KDM4B: variants seen among roughly 807,000 people sequenced by gnomAD.
KDM4B encodes lysine demethylase 4B.
A neutral mutation model predicts 125.2 loss-of-function variants in KDM4B; 32 were observed. The observed-to-expected ratio is 0.26, with a 90% CI of 0.19 to 0.34. KDM4B has a LOEUF of 0.34. Among genes scored for constraint, KDM4B ranks in the 10% least tolerant of loss-of-function variants. The pLI is 1.00. For missense variants in KDM4B, 1,190 were observed against 1,577.7 expected, an observed-to-expected ratio of 0.75 and a Z score of 4.16; for synonymous variants, 721 against 677.9, an observed-to-expected ratio of 1.06 and a Z score of -0.99.
At chr19:4,986,240 G>A (rs977748623) in intron 1 of KDM4B, among the ~76,000 whole-genome samples, 4 of 152,192 alleles carry the variant, frequency 2.6e-5, no homozygotes, top group East Asian at 3.9e-4. Context: ...AGCCACATTC[G>A]GGGCAGCGCT....
Position 5,144,054 on chromosome 19 carries a change from G to A in KDM4B, c.2638G>A (p.Val880Met), listed in dbSNP as rs1268282336. 1 of 1,606,662 alleles carries A rather than the reference G, an allele frequency of 6.2e-7. No individual in the cohort carries two copies. The highest frequency in any genetic ancestry group is 8.5e-7 in the Non-Finnish European group (1 of 1,174,638). Residue 880 changes from valine (V) to methionine (M), a missense_variant, in exon 19 of 23, where the codon GTG (valine) becomes ATG (methionine). By Grantham distance (21) the Val-to-Met change is conservative. This residue lies in a region of KDM4B where 298 missense variants were observed against 439.7 expected (regional missense o/e 0.68). Coordinates refer to ENST00000159111, the MANE Select transcript of KDM4B (RefSeq NM_015015.3). ...CGAGCACTGCTCCACGTCCTTCCACGTGACCTGCGCCCACGCCGCAGGCGT... is the reference window on the plus strand; with the variant it reads ...CGAGCACTGCTCCACGTCCTTCCACATGACCTGCGCCCACGCCGCAGGCGT... ...SYEHCSTSFH[V>M]TCAHAAGVLM...
intron 6 of KDM4B, among the ~76,000 whole-genome samples, chr19:5,066,851 G>A (rs1370838768): frequency 6.6e-6 from 1 of 152,138 alleles, no homozygotes; most frequent in Non-Finnish European, 1.5e-5. Flanking sequence ...GAGTGGGTAC[G>A]GGGGGCAGAC....
At chr19:5,034,168 C>G (rs62114357) in intron 3 of KDM4B, among the ~76,000 whole-genome samples, 6 of 151,974 alleles carry the variant, frequency 3.9e-5, no homozygotes, top group African/African-American at 1.2e-4. Flanking sequence ...TGGTGCTGCA[C>G]GTTTCACGGC....
intron 2 of KDM4B, among the ~76,000 whole-genome samples, chr19:5,032,010 C>T (rs1266009097): frequency 6.6e-6 from 1 of 152,196 alleles, no homozygotes; most frequent in Non-Finnish European, 1.5e-5. Context: ...ATTCTGTCGT[C>T]TTTCTGCCTT....
At chr19:5,106,534 A>G (rs1364874764) in intron 9 of KDM4B, among the ~76,000 whole-genome samples, 1 of 151,966 alleles carries the variant, frequency 6.6e-6, no homozygotes, top group Non-Finnish European at 1.5e-5. Context: ...CCTCTGGGGG[A>G]TTCCGCAGGA....
intron 21 of KDM4B, among the ~76,000 whole-genome samples, chr19:5,145,331 A>G (rs996539886): frequency 1.3e-5 from 2 of 152,056 alleles, no homozygotes; most frequent in African/African-American, 4.8e-5. Flanking sequence ...CTGTAATCCC[A>G]ACATTTTGGG....
intron 2 of KDM4B, among the ~76,000 whole-genome samples, chr19:5,023,451 T>A (rs1452255784): frequency 6.6e-6 from 1 of 152,186 alleles, no homozygotes; most frequent in Non-Finnish European, 1.5e-5. Flanking sequence ...CAGGTTTCAC[T>A]TGGGAACCTG....
chr19:5,011,474 G>A (rs73540684), intron 1 of KDM4B, among the ~76,000 whole-genome samples: 4 of 152,204 alleles, frequency 2.6e-5, no homozygotes, highest in Non-Finnish European at 5.9e-5. Flanking sequence ...CCTGTAAGGG[G>A]TACGCAGAGC....
In KDM4B at chr19:5,133,942, C is replaced by G; in HGVS notation, c.1966C>G (p.Leu656Val). ...TGACCCGGACGCCTTGAGGCCGCTG[C>G]TGTCTCTGCAGTGGAAGAACAGGGC... ...VSDPDALRPL[L>V]SLQWKNRAAS... Residue 656 changes from leucine (L) to valine (V), a missense_variant, in exon 14 of 23, where the codon CTG (leucine) becomes GTG (valine). By Grantham distance (32) the Leu-to-Val change is conservative (BLOSUM62 1). Transcript: ENST00000159111. 2.5e-6 allele frequency: 4 copies of G among 1,613,084 alleles called. No individual in the cohort carries two copies. Among genetic ancestry groups the G allele is most frequent in the South Asian group, 2.2e-5 (2 of 91,082 alleles).
intron 3 of KDM4B, among the ~76,000 whole-genome samples, chr19:5,037,516 C>A (rs577959679): frequency 6.6e-6 from 1 of 152,322 alleles, no homozygotes; most frequent in Non-Finnish European, 1.5e-5. Context: ...GTGCCCCAGG[C>A]GCCTTTTGCA....
At chr19:5,027,804 G>A (rs571051221) in intron 2 of KDM4B, among the ~76,000 whole-genome samples, 1 of 152,226 alleles carries the variant, frequency 6.6e-6, no homozygotes, top group Admixed American at 6.5e-5. Context: ...GCCTCACAAA[G>A]TGCTGGGATT....
chr19:5,104,243 C>G (rs1229305802), intron 9 of KDM4B, among the ~76,000 whole-genome samples: 2 of 152,202 alleles, frequency 1.3e-5, no homozygotes, highest in Non-Finnish European at 2.9e-5. Context: ...CTGCCCCTTT[C>G]TGCTCCCGGG....
intron 21 of KDM4B, among the ~76,000 whole-genome samples, chr19:5,148,373 G>A (rs2039887690): frequency 6.6e-6 from 1 of 152,208 alleles, no homozygotes; most frequent in Non-Finnish European, 1.5e-5. Flanking sequence ...CTTGGACCCG[G>A]CAGTGTGAGC....
At chr19:5,036,522 C>A (rs2036631043) in intron 3 of KDM4B, among the ~76,000 whole-genome samples, 1 of 152,194 alleles carries the variant, frequency 6.6e-6, no homozygotes, top group African/African-American at 2.4e-5. Context: ...TTCCAGTGCC[C>A]CTCCACCCCC....
rs546499430 is a variant in KDM4B, at chr19:5,145,600, A to G, written c.3021+698A>G. ...GAGACTCAGCCTCAAAAAATTAATT[A>G]ATTAATTAAATGAAATAAAAGCGTG... On this transcript the variant is annotated intron_variant, in intron 21 of 22. Transcript: ENST00000159111. Among the ~76,000 whole-genome samples the G allele has an allele frequency of 2.6e-5, 4 of 152,222 alleles. No individual in the cohort carries two copies. The South Asian group carries it at 8.3e-4, about 32-fold the overall frequency.
intron 6 of KDM4B, among the ~76,000 whole-genome samples, chr19:5,048,246 TCTC>T (rs2037093339): frequency 6.6e-6 from 1 of 152,174 alleles, no homozygotes; most frequent in Non-Finnish European, 1.5e-5. Context: ...TCCAGGACCT[TCTC>T]CTGGCTCCCT....
At chr19:5,140,354 A>T (rs538348322) in intron 18 of KDM4B, 1 of 152,606 alleles carries the variant, frequency 6.6e-6, no homozygotes, top group African/African-American at 2.4e-5. Flanking sequence ...CGCACAAGGC[A>T]CTTGGGGCTG....
intron 1 of KDM4B, among the ~76,000 whole-genome samples, chr19:4,975,789 C>T (rs2034424818): frequency 6.6e-6 from 1 of 151,268 alleles, no homozygotes. Context: ...GATGGGATTG[C>T]GCCATGTTGG....
chr19:5,128,416 G>A (rs570010195), intron 11 of KDM4B, among the ~76,000 whole-genome samples: 1 of 152,242 alleles, frequency 6.6e-6, no homozygotes, highest in South Asian at 2.1e-4. Context: ...CCCGGCTTGG[G>A]AAGCCGGCCC....
Sources: gnomAD v4.1 joint callset for allele counts (sites outside exome capture counted in the v4.1 genomes callset) on GRCh38, gnomAD v4.1.1 for gene constraint, gnomAD v4.1.1 regional missense constraint, MANE v1.5 for transcripts, NCBI Gene and HGNC (gene_info 2026-07-23, HGNC 2026-07-21) for gene names.